Variants in POU2F2 observed in about 807,000 individuals in gnomAD.
POU2F2 encodes POU domain, class 2, transcription factor 2.
POU2F2 carries 14 observed loss-of-function variants against 63.5 expected under a neutral mutation model. That is an observed-to-expected ratio of 0.22 (90% CI 0.15 to 0.34). The LOEUF is 0.34. Among genes scored for constraint, POU2F2 ranks in the 10% least tolerant of loss-of-function variants. The pLI is 1.00. For missense variants in POU2F2, 607 were observed against 815.2 expected, an observed-to-expected ratio of 0.74 and a Z score of 3.11; for synonymous variants, 306 against 348.6, an observed-to-expected ratio of 0.88 and a Z score of 1.36.
rs572928848 is a variant in POU2F2, at chr19:42,087,263, G to A, written c.*3994C>T. Reference sequence around the variant, plus strand: ...GGGGCCCGCGTGTCTCAATCTTGCTGTCTGTCTCACTCTCTCTCTCACTCA... The same window carrying A: ...GGGGCCCGCGTGTCTCAATCTTGCTATCTGTCTCACTCTCTCTCTCACTCA... On this transcript the variant is annotated 3_prime_UTR_variant, in exon 15 of 15. Transcript: ENST00000692977. The A allele has an allele frequency of 6.6e-6, 1 of 151,552 alleles. No individual in the cohort carries two copies. Among genetic ancestry groups the A allele is most frequent in the Non-Finnish European group, 1.5e-5 (1 of 67,934 alleles). 9.4% of individuals were successfully genotyped at this position (151,552 alleles called of 1,614,324 possible). A position where few individuals can be genotyped will look rare whatever the true frequency, so the allele number is the denominator to read the frequency against.
At chr19:42,099,456 A>AC (rs2077045065) in intron 7 of POU2F2, 71 bp downstream of exon 7, 1 of 1,347,904 alleles carries the variant, frequency 7.4e-7, no homozygotes, top group Non-Finnish European at 1.1e-6. Context: ...CTCATCCCCC[A>AC]CCCCCGTTTA....
At chr19:42,195,679 C>T (rs2035135863) in intron 1 of POU2F2, among the ~76,000 whole-genome samples, 1 of 149,190 alleles carries the variant, frequency 6.7e-6, no homozygotes, top group African/African-American at 2.5e-5. Context: ...CCCTCCCTCC[C>T]TTTCTTCCTT....
At position 42,117,653 on chromosome 19, in the gene POU2F2, C is replaced by T. The variant is rs988422012; in HGVS notation, c.187-221G>A. On this transcript the variant is annotated intron_variant, in intron 4 of 14. Coordinates refer to ENST00000692977, the MANE Select transcript of POU2F2 (RefSeq NM_001394376.1). The surrounding 1 kb of genome is among the most constrained non-coding windows in gnomAD (Gnocchi z 4.4). The stretch of plus-strand genomic sequence containing the variant: ...GAAGTCGCCTTTGCAGAGCACTTTT[C>T]CCCTCCTGAGAGTCAGTTTTCCTGT... 6.6e-6 allele frequency among the ~76,000 whole-genome samples: 1 copy of T among 152,108 alleles called. No individual in the cohort carries two copies. The highest frequency in any genetic ancestry group is 2.4e-5 in the African/African-American group (1 of 41,408).
At chr19:42,128,989 T>C (rs1362916427) in intron 1 of POU2F2, among the ~76,000 whole-genome samples, 1 of 152,068 alleles carries the variant, frequency 6.6e-6, no homozygotes, top group African/African-American at 2.4e-5. Context: ...TGCATCACCA[T>C]GCCCGGCTAA....
chr19:42,194,482 G>A (rs2035107567), intron 1 of POU2F2, among the ~76,000 whole-genome samples: 1 of 146,988 alleles, frequency 6.8e-6, no homozygotes, highest in Non-Finnish European at 1.5e-5. Flanking sequence ...GAAGAGATCG[G>A]GTGCCGTGGC....
In POU2F2 at chr19:42,091,426, A is replaced by C. The variant is rs930700368; in HGVS notation, c.1706T>G (p.Leu569Arg). The C allele has an allele frequency of 6.5e-7, 1 of 1,549,958 alleles. No individual in the cohort carries two copies. Among genetic ancestry groups the C allele is most frequent in the South Asian group, 1.2e-5 (1 of 84,052 alleles). The change falls in exon 15 of 15, where the codon CTG (leucine) becomes CGG (arginine). Residue 569 changes from leucine (L) to arginine (R), a missense_variant. By Grantham distance (102) the Leu-to-Arg change is moderately radical (BLOSUM62 -2). Around this residue, in one of 7 missense-constraint regions of POU2F2, gnomAD observed 270 missense variants for 307.5 expected, o/e 0.88. Transcript: ENST00000692977. ...PLLSTPPGVGLVSAAAAAVAA... is the reference protein window; with the variant it reads ...PLLSTPPGVGRVSAAAAAVAA... Reference sequence around the variant, plus strand: ...CACAGCCGCAGCCGCTGCTGAGACCAGGCCCACACCAGGCGGGGTGCTGAG... The same window carrying C: ...CACAGCCGCAGCCGCTGCTGAGACCCGGCCCACACCAGGCGGGGTGCTGAG...
intron 11 of POU2F2, among the ~76,000 whole-genome samples, chr19:42,094,783 G>A (rs1175516908): frequency 6.6e-6 from 1 of 152,204 alleles, no homozygotes; most frequent in African/African-American, 2.4e-5. Context: ...TCACACCGAT[G>A]GGGGCAGGGG....
intron 12 of POU2F2, chr19:42,093,587 C>T: frequency 2.6e-6 from 1 of 392,096 alleles, no homozygotes; most frequent in Admixed American, 4.4e-5. Context: ...AACTCAAGTG[C>T]CTCACCTTTT....
intron 1 of POU2F2, among the ~76,000 whole-genome samples, chr19:42,186,084 G>A (rs961885530): frequency 2.6e-5 from 4 of 152,130 alleles, no homozygotes; most frequent in South Asian, 4.1e-4. Flanking sequence ...GGACTGGGAC[G>A]CCGAGGCGGG....
At chr19:42,194,210 C>T (rs934969017) in intron 1 of POU2F2, among the ~76,000 whole-genome samples, 3 of 150,308 alleles carry the variant, frequency 2.0e-5, no homozygotes, top group Non-Finnish European at 4.4e-5. Context: ...TAGTGAGACC[C>T]CGTCTCTACA....
intron 1 of POU2F2, among the ~76,000 whole-genome samples, chr19:42,127,729 A>G (rs1019391470): frequency 6.6e-6 from 1 of 151,934 alleles, no homozygotes; most frequent in East Asian, 1.9e-4. Flanking sequence ...CCCAGCTCCC[A>G]GCCAGGTCTC....
chr19:42,163,265 G>A (rs886226137), intron 1 of POU2F2, among the ~76,000 whole-genome samples: 1 of 152,106 alleles, frequency 6.6e-6, no homozygotes, highest in Admixed American at 6.6e-5. Context: ...GGCTTCTGTG[G>A]CCACCTGCTC....
intron 1 of POU2F2, among the ~76,000 whole-genome samples, chr19:42,170,250 A>G (rs2034734342): frequency 6.6e-6 from 1 of 151,902 alleles, no homozygotes; most frequent in Admixed American, 6.6e-5. Context: ...GCTGCTGTGG[A>G]CACACAGATA....
chr19:42,133,587 T>TCA, upstream of POU2F2: 1 of 154,500 alleles, frequency 6.5e-6, no homozygotes, highest in East Asian at 1.9e-4. This position sits in a 1 kb window ranked among gnomAD's most constrained non-coding sequence, Gnocchi z 5.1. Context: ...GGACTCACCC[T>TCA]CACACACACA....
chr19:42,120,708 G>A (rs1371176822), intron 4 of POU2F2, among the ~76,000 whole-genome samples: 2 of 152,166 alleles, frequency 1.3e-5, no homozygotes, highest in Non-Finnish European at 2.9e-5. Context: ...TTAAAAAGCT[G>A]TCGAAAAGCA....
chr19:42,114,513 G>A (rs939807715), intron 5 of POU2F2, among the ~76,000 whole-genome samples: 20 of 152,248 alleles, frequency 1.3e-4, no homozygotes, highest in African/African-American at 4.6e-4. Context: ...CCAAGCCCTT[G>A]GCGTTGCTCA....
At chr19:42,173,769 C>A (rs909818644) in intron 1 of POU2F2, among the ~76,000 whole-genome samples, 1 of 152,128 alleles carries the variant, frequency 6.6e-6, no homozygotes, top group South Asian at 2.1e-4. Flanking sequence ...AAAGATGACA[C>A]TGCAACCTGC....
upstream of POU2F2, among the ~76,000 whole-genome samples, chr19:42,178,759 G>T (rs1470722115): frequency 1.3e-5 from 2 of 152,152 alleles, no homozygotes; most frequent in African/African-American, 2.4e-5. Flanking sequence ...GAGAACCTAA[G>T]AAACAGAGAC....
intron 5 of POU2F2, among the ~76,000 whole-genome samples, chr19:42,101,939 T>C (rs2077158388): frequency 6.7e-6 from 1 of 148,522 alleles, no homozygotes; most frequent in African/African-American, 2.5e-5. Flanking sequence ...ATTGCGCCAC[T>C]GCACTCCAGC....
Sources: gnomAD v4.1 joint callset for allele counts (sites outside exome capture counted in the v4.1 genomes callset) on GRCh38, gnomAD v4.1.1 for gene constraint, gnomAD v4.1.1 regional missense constraint, Gnocchi (gnomAD v3.1) non-coding constraint, MANE v1.5 for transcripts, NCBI Gene and HGNC (gene_info 2026-07-23, HGNC 2026-07-21) for gene names.